Variants in FMN2 observed in about 807,000 individuals in gnomAD.
FMN2 encodes the protein formin-2.
Under a neutral mutation model 142.3 loss-of-function variants are expected in FMN2, and 51 were observed. The observed-to-expected ratio is 0.36, with a 90% CI of 0.29 to 0.45. FMN2 has a LOEUF of 0.45. Among genes scored for constraint, FMN2 ranks in the 20% least tolerant of loss-of-function variants. The probability of loss-of-function intolerance (pLI) is 1.00; values close to 1 mark genes in which losing one functional copy is unlikely to be tolerated. For synonymous variants in FMN2, 882 were observed against 869.8 expected, an observed-to-expected ratio of 1.01 and a Z score of -0.25; for missense variants, 1,936 against 2,122.8, an observed-to-expected ratio of 0.91 and a Z score of 1.73.
At chr1:240,284,563 T>C (rs1424054058) in intron 7 of FMN2, among the ~76,000 whole-genome samples, 1 of 152,168 alleles carries the variant, frequency 6.6e-6, no homozygotes, top group Non-Finnish European at 1.5e-5. Context: ...CTACACAACT[T>C]TTCCTCAACT....
intron 15 of FMN2, among the ~76,000 whole-genome samples, chr1:240,437,563 A>G (rs940901868): frequency 6.6e-6 from 1 of 152,134 alleles, no homozygotes; most frequent in South Asian, 2.1e-4. Context: ...TGGCCTCCCA[A>G]AGTGCTGGGA....
chr1:240,330,862 C>T, intron 11 of FMN2, 113 bp downstream of exon 11: 1 of 1,284,380 alleles, frequency 7.8e-7, no homozygotes, highest in Non-Finnish European at 1.0e-6. Flanking sequence ...AGGTCAAATG[C>T]TTCTTTATGT....
chr1:240,283,188 A>G (rs540936971), intron 7 of FMN2, among the ~76,000 whole-genome samples: 28 of 152,142 alleles, frequency 1.8e-4, no homozygotes, highest in Non-Finnish European at 2.9e-4. Flanking sequence ...ATTAATTAGA[A>G]CAGTAATTGA....
chr1:240,323,124 TTTCC>T (rs34266580), intron 8 of FMN2, among the ~76,000 whole-genome samples: 2 of 149,942 alleles, frequency 1.3e-5, no homozygotes, highest in African/African-American at 4.9e-5. Flanking sequence ...TTTCTTTTTC[TTTCC>T]TTCCTTCCTT....
chr1:240,463,309 T>C (rs1676508196), intron 16 of FMN2, among the ~76,000 whole-genome samples: 1 of 152,162 alleles, frequency 6.6e-6, no homozygotes, highest in Admixed American at 6.6e-5. Context: ...ACTTGTTAAC[T>C]CTTTGCGTAT....
chr1:240,228,476 A>G (rs1363406349), intron 6 of FMN2, among the ~76,000 whole-genome samples: 1 of 152,102 alleles, frequency 6.6e-6, no homozygotes, highest in Non-Finnish European at 1.5e-5. Context: ...AATCAAAACC[A>G]CAATGCAACA....
intron 16 of FMN2, among the ~76,000 whole-genome samples, chr1:240,462,142 A>G (rs149480413): frequency 2.8e-4 from 43 of 152,260 alleles, no homozygotes; most frequent in African/African-American, 8.2e-4. Flanking sequence ...TGTAGCCATC[A>G]TTTCTCTTTC....
chr1:240,352,715 G>T (rs1288797699), intron 13 of FMN2, among the ~76,000 whole-genome samples: 2 of 152,176 alleles, frequency 1.3e-5, no homozygotes, highest in Non-Finnish European at 2.9e-5. Flanking sequence ...GATGTAACTT[G>T]TCTTCCATAT....
At chr1:240,264,108 A>G (rs935369582) in intron 7 of FMN2, among the ~76,000 whole-genome samples, 2 of 152,166 alleles carry the variant, frequency 1.3e-5, no homozygotes, top group East Asian at 1.9e-4. Context: ...TTTAAATTAT[A>G]TAGTTAAGGG....
At chr1:240,145,110 T>G (rs17669345) in intron 2 of FMN2, 1 of 1,477,192 alleles carries the variant, frequency 6.8e-7, no homozygotes, top group East Asian at 2.3e-5. Flanking sequence ...ACCAAAGTCA[T>G]GGAAGTTGTA....
Position 240,123,309 on chromosome 1 carries a change from T to C in FMN2, c.1746T>C (p.Cys582=), listed in dbSNP as rs1662359649. ...TTAGTGATTGCTTCAGGGAACCGTG[T>C]AATCAGAATGCCCAGACGAATGCAG... ...LPFSDCFREP[C]NQNAQTNAAS... is the part of the protein sequence containing the mutation. Residue 582 remains cysteine (C), a synonymous_variant, in exon 2 of 18, where the codon TGT becomes TGC. Coordinates refer to ENST00000319653, the MANE Select transcript of FMN2 (RefSeq NM_020066.5). 2 of 1,614,164 alleles carry C rather than the reference T, an allele frequency of 1.2e-6. No individual in the cohort carries two copies. The highest frequency in any genetic ancestry group is 1.7e-6 in the Non-Finnish European group (2 of 1,180,032).
chr1:240,255,436 C>T (rs1668421227), intron 6 of FMN2, among the ~76,000 whole-genome samples: 1 of 152,118 alleles, frequency 6.6e-6, no homozygotes, highest in South Asian at 2.1e-4. Context: ...CTTTGAGAAC[C>T]ACTGGACTAG....
intron 10 of FMN2, 106 bp from the exon 11 acceptor site, chr1:240,330,497 G>A: frequency 2.5e-6 from 3 of 1,186,122 alleles, no homozygotes. Context: ...GTTCGGTTGT[G>A]ACCCAAAACT....
intron 4 of FMN2, among the ~76,000 whole-genome samples, chr1:240,194,129 T>TCTTCC (rs71170717): frequency 0.7 from 106,514 of 151,342 alleles, 38,231 homozygotes; most frequent in African/African-American, 0.83. Flanking sequence ...TCTGCACTCC[T>TCTTCC]CTTTTTAAAA....
At chr1:240,187,209 G>A (rs532548557) in intron 3 of FMN2, among the ~76,000 whole-genome samples, 1 of 144,888 alleles carries the variant, frequency 6.9e-6, no homozygotes, top group East Asian at 2.0e-4. Flanking sequence ...GGCGGAGGTT[G>A]CAGTGAGCCA....
At chr1:240,303,087 T>C (rs947102193) in intron 8 of FMN2, among the ~76,000 whole-genome samples, 20 of 152,106 alleles carry the variant, frequency 1.3e-4, no homozygotes, top group African/African-American at 4.8e-4. Flanking sequence ...ATATTTCCCT[T>C]CTTATTCCAG....
At chr1:240,405,390 A>G (rs369520653) in intron 15 of FMN2, among the ~76,000 whole-genome samples, 13 of 152,286 alleles carry the variant, frequency 8.5e-5, no homozygotes, top group Non-Finnish European at 1.8e-4. Context: ...AGGCCAAGGA[A>G]GGTGGATCAC....
Position 240,408,527 on chromosome 1 carries a change from T to C in FMN2, c.4910+15965T>C, listed in dbSNP as rs556686846. On this transcript the variant is annotated intron_variant, in intron 15 of 17. Coordinates refer to ENST00000319653, the MANE Select transcript of FMN2 (RefSeq NM_020066.5). ...GCAGCTGAATATCCAAAGTATCATA[T>C]CCCATGTTTTTTTTCTGAACTGCAA... 1.1e-4 allele frequency among the ~76,000 whole-genome samples: 16 copies of C among 152,314 alleles called. No individual in the cohort carries two copies. In the South Asian group the frequency reaches 3.3e-3, roughly 32 times the overall value.
At chr1:240,224,306 C>T (rs1667225217) in intron 6 of FMN2, among the ~76,000 whole-genome samples, 1 of 152,166 alleles carries the variant, frequency 6.6e-6, no homozygotes, top group Admixed American at 6.5e-5. Flanking sequence ...GACTGAGATT[C>T]TTAATCCTGA....
Sources: gnomAD v4.1 joint callset for allele counts (sites outside exome capture counted in the v4.1 genomes callset) on GRCh38, gnomAD v4.1.1 for gene constraint, MANE v1.5 for transcripts, NCBI Gene and HGNC (gene_info 2026-07-23, HGNC 2026-07-21) for gene names.